The following MOV10 variants were observed in gnomAD, a reference collection of about 807,000 sequenced individuals.
MOV10 encodes the protein RNA helicase MOV-10.
A neutral mutation model predicts 108.4 loss-of-function variants in MOV10; 39 were observed. The ratio of observed to expected loss-of-function variants is 0.36; its 90% CI spans 0.28 to 0.47. The LOEUF is 0.47. Among genes scored for constraint, MOV10 ranks in the 20% least tolerant of loss-of-function variants. The pLI is 1.00. For synonymous variants in MOV10, 490 were observed against 523.1 expected, an observed-to-expected ratio of 0.94 and a Z score of 0.86; for missense variants, 952 against 1,297.6, an observed-to-expected ratio of 0.73 and a Z score of 4.09.
At position 112,689,034 on chromosome 1, in the gene MOV10, C is replaced by T. The variant is rs758343122; in HGVS notation, c.237C>T (p.Leu79=). 78 of 1,612,490 alleles carry T rather than the reference C, an allele frequency of 4.8e-5. No homozygotes were observed. Among genetic ancestry groups the T allele is most frequent in the Non-Finnish European group, 5.8e-5 (69 of 1,180,024 alleles). ...AGACTCGGGTCAGGTTCTTCAGACTCGACCGCTGGGCCGACGTGCGGTTCC... is the reference window on the plus strand; with the variant it reads ...AGACTCGGGTCAGGTTCTTCAGACTTGACCGCTGGGCCGACGTGCGGTTCC... The part of the protein sequence containing the change: ...VTKTRVRFFR[L]DRWADVRFPE... Residue 79 remains leucine, a synonymous_variant, in exon 3 of 21, where the codon CTC becomes CTT. Transcript: ENST00000369645.
intron 2 of MOV10, among the ~76,000 whole-genome samples, chr1:112,688,108 G>C (rs1673231262): frequency 6.6e-6 from 1 of 152,062 alleles, no homozygotes; most frequent in African/African-American, 2.4e-5. Flanking sequence ...CCGATGAGCT[G>C]CCCTCCAAGC....
intron 3 of MOV10, 43 bp downstream of exon 3, chr1:112,689,181 GGTGTGAGGGAAGGGGGCTATCT>G (rs758373563): frequency 1.3e-6 from 2 of 1,544,800 alleles, no homozygotes; most frequent in Admixed American, 1.9e-5. Context: ...AGGTCTGCAG[GGTGTGAGGGAAGGGGGCTATCT>G]GTGTGAGGAA....
intron 2 of MOV10, among the ~76,000 whole-genome samples, chr1:112,687,547 G>A (rs1157220027): frequency 6.6e-6 from 1 of 152,198 alleles, no homozygotes; most frequent in Non-Finnish European, 1.5e-5. Flanking sequence ...GTAGAGCGGG[G>A]AAAACGACTG....
chr1:112,681,732 TTC>T (rs1419291131), intron 2 of MOV10, among the ~76,000 whole-genome samples: 1 of 152,090 alleles, frequency 6.6e-6, no homozygotes, highest in Non-Finnish European at 1.5e-5. Flanking sequence ...CATCCCGCTA[TTC>T]ATTTAGCAAG....
chr1:112,686,361 C>T (rs747152465), intron 2 of MOV10, among the ~76,000 whole-genome samples: 1 of 152,210 alleles, frequency 6.6e-6, no homozygotes, highest in Non-Finnish European at 1.5e-5. Flanking sequence ...TACTGATGAT[C>T]TCCTGATTTC....
chr1:112,695,029 G>T (rs902515788), intron 10 of MOV10, 133 bp downstream of exon 10: 1 of 1,139,540 alleles, frequency 8.8e-7, no homozygotes, highest in East Asian at 2.6e-5. Flanking sequence ...AGAGGTAGGG[G>T]CCGGGTGCAG....
chr1:112,676,776 C>T (rs1211853014), intron 2 of MOV10, among the ~76,000 whole-genome samples: 2 of 152,214 alleles, frequency 1.3e-5, no homozygotes, highest in Non-Finnish European at 2.9e-5. Context: ...AAAATGACTT[C>T]AGTATTCTTG....
intron 3 of MOV10, 27 bp from the exon 4 acceptor site, chr1:112,689,387 AC>A (rs3833533): frequency 3.4e-5 from 33 of 980,306 alleles, no homozygotes; most frequent in Non-Finnish European, 4.7e-5. Flanking sequence ...TCCCACCCCA[AC>A]CCCCCCTTGA....
rs759901886 is a variant in MOV10 at position 112,700,534 on chromosome 1, C to T, written c.*27C>T. 5 of 1,609,856 alleles carry T rather than the reference C, an allele frequency of 3.1e-6. 1 individual carries two copies. The South Asian group carries it at 5.5e-5, about 18-fold the overall frequency. ...GACACAGCACCCAGCCTTCTCGCAC[C>T]AGCCAAGCCTTAACTGCCTGCCTGA... is the stretch of plus-strand genomic sequence containing the variant. On this transcript the variant is annotated 3_prime_UTR_variant, in exon 21 of 21. Coordinates refer to ENST00000369645, the MANE Select transcript of MOV10 (RefSeq NM_001321324.2).
At position 112,674,870 on chromosome 1, in the gene MOV10, C is replaced by T. The variant is rs1164719666; in HGVS notation, c.-43C>T. On this transcript the variant is annotated 5_prime_UTR_variant, in exon 2 of 21. Transcript: ENST00000369645. ...CAGCTGCAGCGGCGACTTTCAGTTT[C>T]ATTTCCACGGACCCTCCTGCCTGGG... 21 of 1,516,864 alleles carry T rather than the reference C, an allele frequency of 1.4e-5. No individual in the cohort carries two copies. The highest frequency in any genetic ancestry group is 1.8e-5 in the Non-Finnish European group (21 of 1,137,190). The allele number at this position is 1,516,864 out of a possible 1,614,324, so 94.0% of individuals were successfully genotyped here. A position where few individuals can be genotyped will look rare whatever the true frequency, so the allele number is the denominator to read the frequency against.
intron 14 of MOV10, among the ~76,000 whole-genome samples, chr1:112,697,101 T>G (rs1056671101): frequency 6.6e-6 from 1 of 152,112 alleles, no homozygotes; most frequent in African/African-American, 2.4e-5. Flanking sequence ...TCCTAGAGGC[T>G]AGGGTGTGTC....
At chr1:112,691,392 AT>A (rs1485915026) in intron 5 of MOV10, among the ~76,000 whole-genome samples, 1 of 152,204 alleles carries the variant, frequency 6.6e-6, no homozygotes, top group Non-Finnish European at 1.5e-5. Context: ...GGTAGTTAAC[AT>A]TGGTTATTCC....
At position 112,689,479 on chromosome 1, in the gene MOV10, G is replaced by C; in HGVS notation, c.406G>C (p.Asp136His). 6.2e-7 allele frequency: 1 copy of C among 1,611,372 alleles called. No homozygotes were observed. The highest frequency in any genetic ancestry group is 8.5e-7 in the Non-Finnish European group (1 of 1,178,544). Residue 136 changes from aspartate (D) to histidine (H), a missense_variant, in exon 4 of 21, where the codon GAT (aspartate) becomes CAT (histidine). Around this residue, in one of 5 missense-constraint regions of MOV10, gnomAD observed 374 missense variants for 468.6 expected, o/e 0.80. Coordinates refer to ENST00000369645, the MANE Select transcript of MOV10 (RefSeq NM_001321324.2). Reference sequence around the variant, plus strand: ...AGTCCAGGGGCCCCATGAAGCCCGAGATGGGCAGCTCCTTATCCGCCTGGA... The same window carrying C: ...AGTCCAGGGGCCCCATGAAGCCCGACATGGGCAGCTCCTTATCCGCCTGGA... ...VEVQGPHEAR[D>H]GQLLIRLDLN...
At chr1:112,680,868 A>G (rs894795218) in intron 2 of MOV10, among the ~76,000 whole-genome samples, 3 of 151,154 alleles carry the variant, frequency 2.0e-5, no homozygotes, top group African/African-American at 7.3e-5. Context: ...ATGCCTGGCT[A>G]ATTTTTGTAT....
chr1:112,687,543 C>T (rs1022345892), intron 2 of MOV10, among the ~76,000 whole-genome samples: 10 of 152,274 alleles, frequency 6.6e-5, no homozygotes, highest in East Asian at 1.9e-4. Flanking sequence ...ATCAGTAGAG[C>T]GGGGAAAACG....
chr1:112,698,586 C>T, intron 16 of MOV10, 108 bp downstream of exon 16: 1 of 1,444,452 alleles, frequency 6.9e-7, no homozygotes, highest in Non-Finnish European at 9.6e-7. Context: ...TCTGCTGGCT[C>T]CGTATCTCAG....
chr1:112,684,441 C>G (rs1414959978), intron 2 of MOV10, among the ~76,000 whole-genome samples: 3 of 151,562 alleles, frequency 2.0e-5, no homozygotes, highest in African/African-American at 7.3e-5. Flanking sequence ...CTAATTTTTT[C>G]TATTTTTAGT....
At position 112,700,592 on chromosome 1, in the gene MOV10, C is replaced by G; in HGVS notation, c.*85C>G. ...CCAGAACCCAGCTGAACTGCCCCTC[C>G]AAGGGACAGGAAGGCTGGGGGAGGG... On this transcript the variant is annotated 3_prime_UTR_variant, in exon 21 of 21. Transcript: ENST00000369645. 2 of 1,572,728 alleles carry G rather than the reference C, an allele frequency of 1.3e-6. No homozygotes were observed. Among genetic ancestry groups the G allele is most frequent in the Non-Finnish European group, 1.7e-6 (2 of 1,159,338 alleles).
At chr1:112,680,963 A>G (rs1255586339) in intron 2 of MOV10, among the ~76,000 whole-genome samples, 1 of 151,468 alleles carries the variant, frequency 6.6e-6, no homozygotes, top group African/African-American at 2.4e-5. Flanking sequence ...TGACCTCCCA[A>G]AGTGCTGGGA....
Sources: allele counts gnomAD v4.1 joint callset (sites outside exome capture counted in the v4.1 genomes callset), GRCh38; gene constraint gnomAD v4.1.1; regional missense constraint gnomAD v4.1.1; transcripts MANE v1.5; gene names NCBI Gene and HGNC (gene_info 2026-07-23, HGNC 2026-07-21).